Variants in CNST observed in about 807,000 individuals in gnomAD.
CNST encodes consortin.
Under a neutral mutation model 72.4 loss-of-function variants are expected in CNST, and 39 were observed. The observed-to-expected ratio is 0.54, with a 90% CI of 0.42 to 0.70. The LOEUF is 0.70. CNST is among the 30% of genes least tolerant of loss of function. The pLI, the probability that CNST is intolerant of heterozygous loss-of-function variation, is 0.00. For synonymous variants in CNST, 332 were observed against 320.1 expected, an observed-to-expected ratio of 1.04 and a Z score of -0.40; for missense variants, 871 against 868.5, an observed-to-expected ratio of 1.00 and a Z score of -0.04.
chr1:246,577,858 T>C (rs1017040560), intron 1 of CNST, among the ~76,000 whole-genome samples: 1 of 152,096 alleles, frequency 6.6e-6, no homozygotes, highest in Non-Finnish European at 1.5e-5. Flanking sequence ...TTTTACTAAT[T>C]CATGCTTCTT....
Position 246,647,601 on chromosome 1 carries a change from C to T in CNST, c.1400C>T (p.Ala467Val). The change falls in exon 9 of 11, where the codon GCT (alanine) becomes GTT (valine). Residue 467 changes from alanine (A) to valine (V), a missense_variant. Ala to Val is a moderately conservative substitution (Grantham distance 64). Transcript: ENST00000366513. ...GAACTCCGTTTGCCACTTCGGGATG[C>T]TTCTGAGGCGTTGCCCACAGACCAA... ...RKELRLPLRD[A>V]SEALPTDQLE... 1.9e-6 allele frequency: 3 copies of T among 1,614,216 alleles called. No individual in the cohort carries two copies. The highest frequency in any genetic ancestry group is 1.3e-5 in the African/African-American group (1 of 75,062).
In CNST at chr1:246,667,885, G is replaced by A. The variant is rs1243487886; in HGVS notation, c.*1980G>A. Reference sequence around the variant, plus strand: ...GGGTCTCTATCCTGTGTAACCTCTGGTGTAGTATTTGCCCATAGGCAACCA... The same window carrying A: ...GGGTCTCTATCCTGTGTAACCTCTGATGTAGTATTTGCCCATAGGCAACCA... On this transcript the variant is annotated 3_prime_UTR_variant, in exon 11 of 11. Coordinates refer to ENST00000366513, the MANE Select transcript of CNST (RefSeq NM_152609.3). The A allele has an allele frequency of 6.6e-6, 1 of 152,132 alleles. No homozygotes were observed. Among genetic ancestry groups the A allele is most frequent in the Non-Finnish European group, 1.5e-5 (1 of 68,024 alleles). The allele number at this position is 152,132 out of a possible 1,614,324, so 9.4% of individuals were successfully genotyped here.
intron 2 of CNST, among the ~76,000 whole-genome samples, chr1:246,610,103 A>C (rs1663205304): frequency 2.6e-5 from 4 of 151,986 alleles, no homozygotes; most frequent in Non-Finnish European, 5.9e-5. Flanking sequence ...CAAGATGGTG[A>C]AACCCCATCT....
chr1:246,576,135 T>TCA (rs1660394376), intron 1 of CNST, among the ~76,000 whole-genome samples: 1 of 143,316 alleles, frequency 7.0e-6, no homozygotes, highest in Admixed American at 7.1e-5. Flanking sequence ...CTCTGGAGGC[T>TCA]GAGGCAGGAG....
At chr1:246,569,977 T>A (rs2102997488) in intron 1 of CNST, 3 of 937,288 alleles carry the variant, frequency 3.2e-6, no homozygotes, top group African/African-American at 1.8e-5. Flanking sequence ...AGTTATTTTC[T>A]GAGTCAGTTT....
chr1:246,648,146 G>T, intron 9 of CNST, 109 bp downstream of exon 9: 1 of 1,456,724 alleles, frequency 6.9e-7, no homozygotes, highest in Non-Finnish European at 9.0e-7. Flanking sequence ...CAAACATGAG[G>T]GAAAATTCTA....
chr1:246,633,517 C>T (rs1215143862), intron 4 of CNST, among the ~76,000 whole-genome samples: 1 of 151,586 alleles, frequency 6.6e-6, no homozygotes, highest in Admixed American at 6.6e-5. Flanking sequence ...CCGAGGCAGG[C>T]AGATCACGAG....
chr1:246,635,439 C>T (rs1665142239), intron 6 of CNST, among the ~76,000 whole-genome samples: 1 of 151,938 alleles, frequency 6.6e-6, no homozygotes, highest in African/African-American at 2.4e-5. Flanking sequence ...GAACCACCCT[C>T]CTAGAAGGTT....
Position 246,604,265 on chromosome 1 carries a change from A to G in CNST, c.379+12324A>G, listed in dbSNP as rs188257099. Among the ~76,000 whole-genome samples, 159 of 152,312 alleles carry G rather than the reference A, an allele frequency of 1.0e-3. 1 individual carries two copies. Among genetic ancestry groups the G allele is most frequent in the Non-Finnish European group, 1.6e-3 (109 of 68,018 alleles). Reference sequence around the variant, plus strand: ...CAAGACTCCATCTCAAAAAAAAGAAAAAAAAAAGGGGCTTGGTGATAGTTG... The same window carrying G: ...CAAGACTCCATCTCAAAAAAAAGAAGAAAAAAAGGGGCTTGGTGATAGTTG... On this transcript the variant is annotated intron_variant, in intron 2 of 10. Transcript: ENST00000366513.
At chr1:246,580,640 C>T (rs1207733459) in intron 1 of CNST, among the ~76,000 whole-genome samples, 3 of 152,220 alleles carry the variant, frequency 2.0e-5, no homozygotes, top group Non-Finnish European at 2.9e-5. Flanking sequence ...TATCTCTTTA[C>T]TCCCTTCTGT....
At chr1:246,576,743 C>G (rs944036727) in intron 1 of CNST, among the ~76,000 whole-genome samples, 4 of 151,984 alleles carry the variant, frequency 2.6e-5, no homozygotes, top group Admixed American at 6.6e-5. Flanking sequence ...ATCCACCCCC[C>G]TCAGCCTTCC....
At chr1:246,649,771 T>C (rs904209809) in intron 9 of CNST, among the ~76,000 whole-genome samples, 2 of 151,428 alleles carry the variant, frequency 1.3e-5, no homozygotes, top group Non-Finnish European at 2.9e-5. Flanking sequence ...ATAGGAACTT[T>C]TGGAATTTCA....
At chr1:246,584,090 G>A (rs1463409660) in intron 1 of CNST, among the ~76,000 whole-genome samples, 3 of 152,084 alleles carry the variant, frequency 2.0e-5, no homozygotes, top group African/African-American at 4.8e-5. Context: ...ACAGGCACAC[G>A]CCACCAAGCT....
At chr1:246,632,027 A>C in intron 4 of CNST, 103 bp downstream of exon 4, 1 of 718,814 alleles carries the variant, frequency 1.4e-6, no homozygotes, top group South Asian at 1.9e-5. Context: ...TGTACAGATC[A>C]TATGGTTTCA....
rs758473617 is a variant in CNST at position 246,641,741 on chromosome 1, TC to T, written c.819-6del. The T allele has an allele frequency of 1.4e-5, 19 of 1,317,152 alleles. No homozygotes were observed. In the Admixed American group the frequency reaches 2.9e-4, roughly 20 times the overall value. 81.6% of individuals were successfully genotyped at this position (1,317,152 alleles called of 1,614,324 possible). On this transcript the variant is annotated splice_polypyrimidine_tract_variant and splice_region_variant and intron_variant, in intron 6 of 10. Transcript: ENST00000366513. ...TTAAAATTCTTTTTTCTTTCTTTTTTCCTACAGTCCTCTTTTATCCAAACAT... is the reference window on the plus strand; with the variant it reads ...TTAAAATTCTTTTTTCTTTCTTTTTTCTACAGTCCTCTTTTATCCAAACAT...
chr1:246,613,661 CCT>C (rs1663482543), intron 2 of CNST, among the ~76,000 whole-genome samples: 1 of 16,460 alleles, frequency 6.1e-5, no homozygotes, highest in East Asian at 1.3e-3. Flanking sequence ...CTCTCTCTCT[CCT>C]CCTCTCTACC....
chr1:246,607,131 C>G (rs193141918), intron 2 of CNST: 1 of 152,094 alleles, frequency 6.6e-6, no homozygotes, highest in African/African-American at 2.4e-5. Flanking sequence ...ACCTGCGGCA[C>G]GATGGGTTTT....
rs994910138 is a variant in CNST, at chr1:246,624,411, A to G, written c.585+2777A>G. On this transcript the variant is annotated intron_variant, in intron 3 of 10. Coordinates refer to ENST00000366513, the MANE Select transcript of CNST (RefSeq NM_152609.3). ...CTGTTGTAAAGTAATAGAGGATTAA[A>G]TGGGATAATGCATGTAAAAGCACTT... Among the ~76,000 whole-genome samples, 13 of 152,376 alleles carry G rather than the reference A, an allele frequency of 8.5e-5. No homozygotes were observed. In the East Asian group the frequency reaches 2.5e-3, roughly 29 times the overall value.
intron 3 of CNST, among the ~76,000 whole-genome samples, chr1:246,625,562 C>T (rs1048567289): frequency 1.3e-5 from 2 of 151,516 alleles, no homozygotes; most frequent in Admixed American, 6.6e-5. Context: ...GCTGGGACTA[C>T]AGGCCCGTGC....
Sources: gnomAD v4.1 joint callset for allele counts (sites outside exome capture counted in the v4.1 genomes callset) on GRCh38, gnomAD v4.1.1 for gene constraint, MANE v1.5 for transcripts, NCBI Gene and HGNC (gene_info 2026-07-23, HGNC 2026-07-21) for gene names.